DGKI: variants seen among roughly 807,000 people sequenced by gnomAD.
DGKI encodes the protein diacylglycerol kinase iota, also known as DAG kinase iota.
Under a neutral mutation model 147.5 loss-of-function variants are expected in DGKI, and 55 were observed. That is an observed-to-expected ratio of 0.37 (90% CI 0.30 to 0.47). The LOEUF is 0.47. Among genes scored for constraint, DGKI ranks in the 20% least tolerant of loss-of-function variants. DGKI has a pLI of 1.00. For synonymous variants in DGKI, 469 were observed against 477.1 expected (o/e 0.98, Z 0.22); for missense variants, 1,007 against 1,323.8 (o/e 0.76, Z 3.71).
intron 20 of DGKI, among the ~76,000 whole-genome samples, chr7:137,537,018 C>A (rs1234342291): frequency 6.6e-6 from 1 of 152,164 alleles, no homozygotes; most frequent in African/African-American, 2.4e-5. Context: ...ACCATTATTT[C>A]TTTTCTTTGG....
rs1416936833 is a variant in DGKI at position 137,383,235 on chromosome 7, C to G, written c.*7985G>C. The stretch of plus-strand genomic sequence containing the variant: ...GGCTAACAATTGGCAAAATTGCTAG[C>G]CAATTTCCAAATCTCCTAAATTGGC... On this transcript the variant is annotated 3_prime_UTR_variant, in exon 33 of 33. Transcript: ENST00000614521. The G allele has an allele frequency of 6.7e-6, 1 of 149,564 alleles. No individual in the cohort carries two copies. Among genetic ancestry groups the G allele is most frequent in the Non-Finnish European group, 1.5e-5 (1 of 67,478 alleles). The allele number at this position is 149,564 out of a possible 1,614,324, so 9.3% of individuals were successfully genotyped here.
chr7:137,823,468 C>T (rs1415744930), intron 1 of DGKI, among the ~76,000 whole-genome samples: 1 of 152,172 alleles, frequency 6.6e-6, no homozygotes, highest in Non-Finnish European at 1.5e-5. Context: ...GAAGCTCCTG[C>T]GGATGTTTCA....
chr7:137,611,649 A>C (rs963546471), intron 8 of DGKI, among the ~76,000 whole-genome samples: 1 of 152,176 alleles, frequency 6.6e-6, no homozygotes, highest in African/African-American at 2.4e-5. Flanking sequence ...ACAGTTATGA[A>C]GTTATAACCA....
At chr7:137,405,006 G>A (rs909782461) in intron 30 of DGKI, among the ~76,000 whole-genome samples, 4 of 152,054 alleles carry the variant, frequency 2.6e-5, no homozygotes, top group African/African-American at 4.8e-5. Context: ...TTGGATGAAC[G>A]GTGCTTTTAA....
intron 1 of DGKI, among the ~76,000 whole-genome samples, chr7:137,708,665 T>C (rs1476724081): frequency 6.6e-6 from 1 of 152,238 alleles, no homozygotes; most frequent in East Asian, 1.9e-4. Flanking sequence ...GTAAACAAAA[T>C]ACACATGGTC....
intron 28 of DGKI, among the ~76,000 whole-genome samples, chr7:137,434,250 C>A (rs556330233): frequency 1.3e-5 from 2 of 152,122 alleles, no homozygotes; most frequent in Admixed American, 1.3e-4. Flanking sequence ...ACCCCAAAAG[C>A]AACCCAATGC....
intron 28 of DGKI, among the ~76,000 whole-genome samples, chr7:137,429,034 C>T (rs1413774500): frequency 2.6e-5 from 4 of 151,832 alleles, no homozygotes; most frequent in African/African-American, 9.7e-5. Context: ...ACTTTCTTCA[C>T]AGAATTGGAA....
intron 1 of DGKI, among the ~76,000 whole-genome samples, chr7:137,707,234 T>C (rs1008505049): frequency 6.6e-6 from 1 of 152,180 alleles, no homozygotes; most frequent in Non-Finnish European, 1.5e-5. Flanking sequence ...TATTCACCTA[T>C]GCGGATTCCT....
intron 1 of DGKI, among the ~76,000 whole-genome samples, chr7:137,754,711 T>G (rs12672736): frequency 0.044 from 6,624 of 152,222 alleles, 336 homozygotes; most frequent in African/African-American, 0.12. Flanking sequence ...ATCCACGACA[T>G]GACCAGCATT....
intron 1 of DGKI, among the ~76,000 whole-genome samples, chr7:137,757,447 T>C (rs1002416556): frequency 6.6e-6 from 1 of 152,192 alleles, no homozygotes; most frequent in Admixed American, 6.5e-5. Flanking sequence ...TGGGATTCTG[T>C]GTTCAGCCCC....
intron 12 of DGKI, among the ~76,000 whole-genome samples, chr7:137,592,730 G>A (rs1290469712): frequency 6.6e-6 from 1 of 152,250 alleles, no homozygotes; most frequent in Non-Finnish European, 1.5e-5. Flanking sequence ...AGTATTGGAT[G>A]ACTGGGGGAC....
At chr7:137,459,568 G>A (rs538433049) in intron 27 of DGKI, among the ~76,000 whole-genome samples, 23 of 145,844 alleles carry the variant, frequency 1.6e-4, no homozygotes, top group Middle Eastern at 3.6e-3. Context: ...TCCGCCTCCC[G>A]GGTTCACGCC....
intron 1 of DGKI, among the ~76,000 whole-genome samples, chr7:137,710,913 A>C (rs1424370): frequency 0.34 from 51,321 of 151,982 alleles, 9,234 homozygotes; most frequent in South Asian, 0.5. Context: ...TCCTCCCCCA[A>C]AAAGTGAACC....
chr7:137,587,292 C>A, intron 12 of DGKI, 82 bp from the exon 13 acceptor site: 2 of 1,032,808 alleles, frequency 1.9e-6, no homozygotes, highest in South Asian at 1.9e-5. Context: ...CAGAGGCTTC[C>A]AAGAGCTAAA....
intron 30 of DGKI, among the ~76,000 whole-genome samples, chr7:137,402,596 T>G (rs969253533): frequency 1.3e-5 from 2 of 152,252 alleles, no homozygotes; most frequent in African/African-American, 4.8e-5. Context: ...TTTTGTCACA[T>G]GCATCCTTTA....
At chr7:137,717,100 G>T (rs747554273) in intron 1 of DGKI, among the ~76,000 whole-genome samples, 20 of 152,160 alleles carry the variant, frequency 1.3e-4, no homozygotes, top group Non-Finnish European at 2.8e-4. Flanking sequence ...CTTACTTTGG[G>T]CCACGAAGTG....
At chr7:137,583,739 A>C (rs1433396493) in intron 14 of DGKI, among the ~76,000 whole-genome samples, 1 of 152,198 alleles carries the variant, frequency 6.6e-6, no homozygotes, top group Non-Finnish European at 1.5e-5. Flanking sequence ...AAAGAAACTT[A>C]CAATATCCAT....
At position 137,573,407 on chromosome 7, in the gene DGKI, G is replaced by A. The variant is rs73453566; in HGVS notation, c.1762-569C>T. Among the ~76,000 whole-genome samples the A allele has an allele frequency of 1.2e-3, 176 of 152,122 alleles. 1 individual carries two copies. The highest frequency in any genetic ancestry group is 6.8e-3 in the Middle Eastern group (2 of 292). ...TCATACAGTAGTATTATCTTCATTCGTGGTTTGTTCTTAGAAACTTAATCT... is the reference window on the plus strand; with the variant it reads ...TCATACAGTAGTATTATCTTCATTCATGGTTTGTTCTTAGAAACTTAATCT... On this transcript the variant is annotated intron_variant, in intron 17 of 32. Transcript: ENST00000614521.
chr7:137,449,782 G>A (rs1206642304), intron 27 of DGKI, among the ~76,000 whole-genome samples: 1 of 152,100 alleles, frequency 6.6e-6, no homozygotes, highest in Non-Finnish European at 1.5e-5. Flanking sequence ...AATATTAAAA[G>A]TAAGTATTAA....
Sources: allele counts gnomAD v4.1 joint callset (sites outside exome capture counted in the v4.1 genomes callset), GRCh38; gene constraint gnomAD v4.1.1; transcripts MANE v1.5; gene names NCBI Gene and HGNC (gene_info 2026-07-23, HGNC 2026-07-21).